DCST1: variants seen among roughly 807,000 people sequenced by gnomAD.
DCST1 encodes E3 ubiquitin-protein ligase DCST1.
Under a neutral mutation model 89.1 loss-of-function variants are expected in DCST1, and 78 were observed. That is an observed-to-expected ratio of 0.88 (90% CI 0.73 to 1.06). The LOEUF (loss-of-function observed/expected upper bound fraction) is 1.06, where lower values mean the gene tolerates loss of function less well. Ranked by LOEUF, DCST1 falls within the 50% of genes least tolerant of loss-of-function variation. The pLI is 0.00. For missense variants in DCST1, 900 were observed against 928.6 expected (o/e 0.97, Z 0.40); for synonymous variants, 364 against 371.9 (o/e 0.98, Z 0.24).
At position 155,034,006 on chromosome 1, in the gene DCST1, G is replaced by A; in HGVS notation, c.-31G>A. 1.2e-6 allele frequency: 2 copies of A among 1,613,842 alleles called. No homozygotes were observed. Among genetic ancestry groups the A allele is most frequent in the Admixed American group, 1.7e-5 (1 of 60,014 alleles). On this transcript the variant is annotated 5_prime_UTR_variant, in exon 2 of 17. Transcript: ENST00000295542. ...TCCAAGGAGGTCCTTCAGGAGACCTGGGATGAGTGGTGCTTCCCCAAAACA... is the reference window on the plus strand; with the variant it reads ...TCCAAGGAGGTCCTTCAGGAGACCTAGGATGAGTGGTGCTTCCCCAAAACA...
chr1:155,035,038 T>A (rs1660230723), intron 4 of DCST1: 1 of 356,762 alleles, frequency 2.8e-6, no homozygotes, highest in African/African-American at 2.1e-5. Flanking sequence ...TTTCTGATCC[T>A]CCTAAGAAAT....
rs184087421 is a variant in DCST1, at chr1:155,047,410, G to T, written c.1612+98G>T. The T allele has an allele frequency of 3.0e-4, 325 of 1,096,348 alleles. 2 individuals are homozygous for T. The African/African-American group carries it at 4.6e-3, about 16-fold the overall frequency. The allele number at this position is 1,096,348 out of a possible 1,614,324, so 67.9% of individuals were successfully genotyped here. A position where few individuals can be genotyped will look rare whatever the true frequency, so the allele number is the denominator to read the frequency against. ...AGAGTTAGGGGCCTGGGCCTTGGGT[G>T]TGGAGAGATGGGGGTTGGAGCGCTT... On this transcript the variant is annotated intron_variant, in intron 14 of 16. Transcript: ENST00000295542.
In DCST1 at chr1:155,039,482, G is replaced by A. The variant is rs760075801; in HGVS notation, c.342G>A (p.Lys114=). 6.2e-7 allele frequency: 1 copy of A among 1,602,432 alleles called. No homozygotes were observed. Among genetic ancestry groups the A allele is most frequent in the South Asian group, 1.1e-5 (1 of 88,514 alleles). Residue 114 remains lysine, a synonymous_variant, in exon 5 of 17, where the codon AAG becomes AAA. Coordinates refer to ENST00000295542, the MANE Select transcript of DCST1 (RefSeq NM_152494.4). The part of the protein sequence containing the change: ...SLLLVPKMLG[K]EGRLFVLGYA... Reference sequence around the variant, plus strand: ...TACTAGTACCCAAGATGCTGGGCAAGGAAGGCAGGCTCTTTGTCCTGGGAT... The same window carrying A: ...TACTAGTACCCAAGATGCTGGGCAAAGAAGGCAGGCTCTTTGTCCTGGGAT...
Position 155,040,931 on chromosome 1 carries a change from G to A in DCST1, c.531+307G>A, listed in dbSNP as rs556796661. Among the ~76,000 whole-genome samples the A allele has an allele frequency of 5.3e-5, 8 of 152,200 alleles. No individual in the cohort carries two copies. In the East Asian group the frequency reaches 1.4e-3, roughly 26 times the overall value. ...TGGCCTTGAGTAGCTCAGAAGTTTCGAAGACAAGAGTATTCAAGAATTGGG... is the reference window on the plus strand; with the variant it reads ...TGGCCTTGAGTAGCTCAGAAGTTTCAAAGACAAGAGTATTCAAGAATTGGG... On this transcript the variant is annotated intron_variant, in intron 6 of 16. Transcript: ENST00000295542.
In DCST1 at chr1:155,040,519, C is replaced by A; in HGVS notation, c.426C>A (p.Asn142Lys). Residue 142 changes from asparagine to lysine, a missense_variant, in exon 6 of 17, where the codon AAC (asparagine) becomes AAA (lysine). Asn to Lys is a moderately conservative substitution (Grantham distance 94). Coordinates refer to ENST00000295542, the MANE Select transcript of DCST1 (RefSeq NM_152494.4). ...CCAATCTGCGACACAATCTCAACAACGTGATCGCATCGCTGGGCTGCACCG... is the reference window on the plus strand; with the variant it reads ...CCAATCTGCGACACAATCTCAACAAAGTGATCGCATCGCTGGGCTGCACCG... ...PVANLRHNLN[N>K]VIASLGCTVE... The A allele has an allele frequency of 1.3e-6, 2 of 1,597,098 alleles. No individual in the cohort carries two copies. The highest frequency in any genetic ancestry group is 1.7e-6 in the Non-Finnish European group (2 of 1,171,060).
rs763677171 is a variant in DCST1, at chr1:155,045,913, G to A, written c.1193G>A (p.Ser398Asn). 9.9e-6 allele frequency: 16 copies of A among 1,614,048 alleles called. No individual in the cohort carries two copies. The Admixed American group carries it at 1.2e-4, about 12-fold the overall frequency. Residue 398 changes from serine (S) to asparagine (N), a missense_variant, in exon 11 of 17, where the codon AGC (serine) becomes AAC (asparagine). Coordinates refer to ENST00000295542, the MANE Select transcript of DCST1 (RefSeq NM_152494.4). Reference sequence around the variant, plus strand: ...CACAGGTCTTTCTCCTACATGGACAGCTATAACCATGACATTCGTTTTGAC... The same window carrying A: ...CACAGGTCTTTCTCCTACATGGACAACTATAACCATGACATTCGTTTTGAC... ...VLHASFSYMD[S>N]YNHDIRFDNI...
chr1:155,034,196 C>T (rs1014350179), intron 2 of DCST1, 99 bp downstream of exon 2: 32 of 1,549,020 alleles, frequency 2.1e-5, no homozygotes, highest in Non-Finnish European at 2.4e-5. Flanking sequence ...TCGGTGTCCG[C>T]GCCTCCACCA....
At chr1:155,041,183 C>T (rs544931422) in intron 6 of DCST1, among the ~76,000 whole-genome samples, 2 of 152,180 alleles carry the variant, frequency 1.3e-5, no homozygotes, top group East Asian at 1.9e-4. Flanking sequence ...AGAGCCAGGA[C>T]ATGTGGCATC....
chr1:155,043,291 G>C, intron 9 of DCST1, 61 bp from the exon 10 acceptor site: 1 of 1,611,624 alleles, frequency 6.2e-7, no homozygotes, highest in Non-Finnish European at 8.5e-7. Context: ...GTCATGAAGA[G>C]GTGGGACCCA....
chr1:155,048,009 T>A (rs560648619), intron 15 of DCST1, 48 bp from the exon 16 acceptor site: 3 of 1,613,058 alleles, frequency 1.9e-6, no homozygotes, highest in Non-Finnish European at 2.5e-6. Flanking sequence ...ACCAACTCCA[T>A]ATTTGGGGGA....
intron 4 of DCST1, 37 bp downstream of exon 4, chr1:155,034,764 C>T: frequency 1.2e-6 from 2 of 1,610,336 alleles, no homozygotes; most frequent in East Asian, 2.2e-5. Context: ...ACTCAAGCGG[C>T]CTGTGGAACA....
Position 155,050,709 on chromosome 1 carries a change from G to T in DCST1, c.1962G>T (p.Thr654=), listed in dbSNP as rs1304137663. The T allele has an allele frequency of 6.2e-7, 1 of 1,607,772 alleles. No homozygotes were observed. Among genetic ancestry groups the T allele is most frequent in the Non-Finnish European group, 8.5e-7 (1 of 1,177,926 alleles). The change falls in exon 17 of 17, where the codon ACG becomes ACT. Residue 654 remains threonine (T), a synonymous_variant. Coordinates refer to ENST00000295542, the MANE Select transcript of DCST1 (RefSeq NM_152494.4). ...GCGTGGTGTGCCAGGCACCCGAGAC[G>T]CCCGAGTCCTACGTGTGCCGGACGC... The part of the protein sequence containing the change: ...RRCVVCQAPE[T]PESYVCRTLD...
At chr1:155,034,827 C>T in intron 4 of DCST1, 100 bp downstream of exon 4, 1 of 1,256,708 alleles carries the variant, frequency 8.0e-7, no homozygotes, top group Middle Eastern at 2.5e-4. Context: ...CTTCTGTACC[C>T]ATACATCCCC....
chr1:155,045,862 G>C (rs1384150669), intron 10 of DCST1, 31 bp from the exon 11 acceptor site: 1 of 1,580,758 alleles, frequency 6.3e-7, no homozygotes, highest in Non-Finnish European at 8.7e-7. Flanking sequence ...ACCTGGAAGA[G>C]ATGGAGACAT....
In DCST1 at chr1:155,034,115, G is replaced by A; in HGVS notation, c.61+18G>A. 1 of 1,613,966 alleles carries A rather than the reference G, an allele frequency of 6.2e-7. No homozygotes were observed. The highest frequency in any genetic ancestry group is 8.5e-7 in the Non-Finnish European group (1 of 1,179,924). On this transcript the variant is annotated intron_variant, in intron 2 of 16. Transcript: ENST00000295542. ...TCATACCAGTGAGTCACTCAGCAGA[G>A]ACCCAGTATCCCTTGACCTCCACTC...
Position 155,047,878 on chromosome 1 carries a change from G to A in DCST1, c.1704G>A (p.Gln568=), listed in dbSNP as rs755488162. ...IGLLVCLCLL[Q]AFGYRLRRVI... is the part of the protein sequence containing the mutation. ...TGTTAGTGTGTCTCTGCCTGTTACA[G>A]GCTTTTGGCTACCGACTCCGGAGGG... is the stretch of plus-strand genomic sequence containing the variant. Residue 568 remains glutamine (Q), a synonymous_variant, in exon 15 of 17, where the codon CAG becomes CAA. Coordinates refer to ENST00000295542, the MANE Select transcript of DCST1 (RefSeq NM_152494.4). The A allele has an allele frequency of 1.2e-6, 2 of 1,614,144 alleles. No individual in the cohort carries two copies. Among genetic ancestry groups the A allele is most frequent in the Non-Finnish European group, 1.7e-6 (2 of 1,180,034 alleles).
At chr1:155,041,961 T>G in intron 8 of DCST1, 104 bp downstream of exon 8, 1 of 1,507,572 alleles carries the variant, frequency 6.6e-7, no homozygotes, top group Non-Finnish European at 9.0e-7. Flanking sequence ...AGGAGGGTTT[T>G]GGCCCTGAGG....
intron 4 of DCST1, among the ~76,000 whole-genome samples, chr1:155,036,827 C>A (rs376854033): frequency 8.3e-4 from 127 of 152,342 alleles, no homozygotes; most frequent in African/African-American, 2.9e-3. Flanking sequence ...TCGAGTGAAG[C>A]CCCCCTTCAG....
At chr1:155,048,787 G>A (rs181028536) in intron 16 of DCST1, among the ~76,000 whole-genome samples, 10 of 152,064 alleles carry the variant, frequency 6.6e-5, no homozygotes, top group Admixed American at 1.3e-4. Context: ...CAAGAGGGCC[G>A]CACAGAAACA....
Sources: gnomAD v4.1 joint callset for allele counts (sites outside exome capture counted in the v4.1 genomes callset) on GRCh38, gnomAD v4.1.1 for gene constraint, MANE v1.5 for transcripts, NCBI Gene and HGNC (gene_info 2026-07-23, HGNC 2026-07-21) for gene names.